Variants in LRRC28 observed in about 807,000 individuals in gnomAD.
The protein encoded by LRRC28 is leucine-rich repeat-containing protein 28.
LRRC28 carries 39 observed loss-of-function variants against 45.7 expected under a neutral mutation model. The observed-to-expected ratio is 0.85, with a 90% confidence interval of 0.66 to 1.12. LRRC28 has a LOEUF of 1.12. Among genes scored for constraint, LRRC28 ranks in the 50% most tolerant of loss-of-function variants. The pLI is 0.00. For missense variants in LRRC28, 435 were observed against 438.5 expected (o/e 0.99, Z 0.07); for synonymous variants, 206 against 178.8 (o/e 1.15, Z -1.22).
At chr15:99,365,303 G>A (rs1957310041) in intron 9 of LRRC28, among the ~76,000 whole-genome samples, 3 of 152,204 alleles carry the variant, frequency 2.0e-5, no homozygotes, top group Admixed American at 1.3e-4. Context: ...AGTATATCAA[G>A]TACATAGGAC....
rs376377020 is a variant in LRRC28, at chr15:99,276,634, A to G, written c.209+18A>G. 76 of 1,501,680 alleles carry G rather than the reference A, an allele frequency of 5.1e-5. No individual in the cohort carries two copies. The highest frequency in any genetic ancestry group is 5.8e-5 in the African/African-American group (4 of 69,492). 93.0% of individuals were successfully genotyped at this position (1,501,680 alleles called of 1,614,324 possible). A position where few individuals can be genotyped will look rare whatever the true frequency, so the allele number is the denominator to read the frequency against. ...GTGGAACTGTGAGTCTGTTTATTCA[A>G]ATTTTTTAAAGACAAGAATGAAAAT... On this transcript the variant is annotated intron_variant, in intron 3 of 9. Transcript: ENST00000301981.
At chr15:99,294,168 T>G (rs1036991985) in intron 5 of LRRC28, among the ~76,000 whole-genome samples, 3 of 152,134 alleles carry the variant, frequency 2.0e-5, no homozygotes, top group Non-Finnish European at 4.4e-5. Flanking sequence ...TGATACAGGA[T>G]TTTTTATATT....
chr15:99,281,835 C>G (rs542559255), intron 3 of LRRC28, among the ~76,000 whole-genome samples: 1 of 152,302 alleles, frequency 6.6e-6, no homozygotes, highest in South Asian at 2.1e-4. Context: ...TTGAATACCT[C>G]AAATGATCAA....
At chr15:99,313,917 G>T (rs1955503544) in intron 5 of LRRC28, among the ~76,000 whole-genome samples, 1 of 152,116 alleles carries the variant, frequency 6.6e-6, no homozygotes, top group Non-Finnish European at 1.5e-5. Context: ...GGTAGGATGT[G>T]ACAGGAGCCA....
intron 1 of LRRC28, among the ~76,000 whole-genome samples, chr15:99,252,291 A>G (rs2080843140): frequency 6.6e-6 from 1 of 152,266 alleles, no homozygotes; most frequent in South Asian, 2.1e-4. Context: ...TGCATACTGC[A>G]AAACTGTGAG....
chr15:99,307,968 C>T (rs2152258065), intron 5 of LRRC28, among the ~76,000 whole-genome samples: 1 of 152,184 alleles, frequency 6.6e-6, no homozygotes, highest in South Asian at 2.1e-4. Flanking sequence ...TAAAGAGGGG[C>T]CAGTGATGAA....
rs565921036 is a variant in LRRC28, at chr15:99,251,535, C to A, written c.-67C>A. On this transcript the variant is annotated 5_prime_UTR_variant, in exon 1 of 10. Transcript: ENST00000301981. ...CGCTCCGGAGCGCTGGCTCTGCTGG[C>A]GCTGAGGTGAGTAGAGCTGTCCGCC... The A allele has an allele frequency of 6.6e-6, 1 of 151,404 alleles. No individual in the cohort carries two copies. Among genetic ancestry groups the A allele is most frequent in the East Asian group, 2.0e-4 (1 of 5,070 alleles). The allele number at this position is 151,404 out of a possible 1,614,324, so 9.4% of individuals were successfully genotyped here. A position where few individuals can be genotyped will look rare whatever the true frequency, so the allele number is the denominator to read the frequency against.
intron 2 of LRRC28, chr15:99,258,450 TC>T: frequency 1.2e-6 from 1 of 855,430 alleles, no homozygotes; most frequent in South Asian, 1.4e-5. Context: ...TCATAAACTT[TC>T]CTATTTATGT....
At chr15:99,294,708 T>A (rs972766995) in intron 5 of LRRC28, among the ~76,000 whole-genome samples, 2 of 152,238 alleles carry the variant, frequency 1.3e-5, no homozygotes, top group African/African-American at 4.8e-5. Context: ...CGTTTCACCC[T>A]TAGGACCTCC....
intron 5 of LRRC28, among the ~76,000 whole-genome samples, chr15:99,303,417 C>G (rs182069645): frequency 1.3e-5 from 2 of 152,054 alleles, no homozygotes; most frequent in East Asian, 3.8e-4. Context: ...TCGTGATGCC[C>G]ATACAGATAT....
intron 9 of LRRC28, among the ~76,000 whole-genome samples, chr15:99,379,128 G>T (rs1259455320): frequency 6.6e-6 from 1 of 152,168 alleles, no homozygotes; most frequent in Non-Finnish European, 1.5e-5. Flanking sequence ...GCTCCTCCTT[G>T]TACCTCTGGT....
At chr15:99,288,637 C>T (rs2082026644) in intron 5 of LRRC28, among the ~76,000 whole-genome samples, 1 of 152,026 alleles carries the variant, frequency 6.6e-6, no homozygotes, top group Admixed American at 6.6e-5. Context: ...GCCTTGGCCT[C>T]CCAAAGTTCT....
intron 5 of LRRC28, among the ~76,000 whole-genome samples, chr15:99,304,185 G>C (rs1167474389): frequency 6.6e-6 from 1 of 152,220 alleles, no homozygotes; most frequent in Non-Finnish European, 1.5e-5. Flanking sequence ...TGGCAGAGTT[G>C]AGTAGTTGTG....
chr15:99,377,529 A>G lies in LRRC28; in HGVS notation c.1032-8501A>G, dbSNP rs1169948489. Among the ~76,000 whole-genome samples the G allele has an allele frequency of 8.5e-5, 13 of 152,330 alleles. No individual in the cohort carries two copies. The South Asian group carries it at 2.7e-3, about 32-fold the overall frequency. On this transcript the variant is annotated intron_variant, in intron 9 of 9. Coordinates refer to ENST00000301981, the MANE Select transcript of LRRC28 (RefSeq NM_144598.5). ...CTGATGGTAGTTTCTTTTGCTGTGC[A>G]GAAGCTCTTTAGTTTAAATAGATCC... is the stretch of plus-strand genomic sequence containing the variant.
At chr15:99,323,444 G>A (rs1218177851) in intron 5 of LRRC28, among the ~76,000 whole-genome samples, 1 of 152,198 alleles carries the variant, frequency 6.6e-6, no homozygotes, top group Non-Finnish European at 1.5e-5. Context: ...AGGTTGCGTT[G>A]TTTGATAATT....
rs1008846890 is a variant in LRRC28 at position 99,388,880 on chromosome 15, C to G, written c.*2778C>G. ...GATAGCCTCATGAGCATAGGCCTTC[C>G]TATGAAGTAGTGCAAAGGGGGCCGA... On this transcript the variant is annotated 3_prime_UTR_variant, in exon 10 of 10. Transcript: ENST00000301981. The G allele has an allele frequency of 1.3e-5, 2 of 152,142 alleles. No homozygotes were observed. Among genetic ancestry groups the G allele is most frequent in the Non-Finnish European group, 2.9e-5 (2 of 68,016 alleles). The allele number at this position is 152,142 out of a possible 1,614,324, so 9.4% of individuals were successfully genotyped here.
At chr15:99,372,068 C>G (rs1957499508) in intron 9 of LRRC28, among the ~76,000 whole-genome samples, 1 of 152,200 alleles carries the variant, frequency 6.6e-6, no homozygotes, top group Admixed American at 6.5e-5. Context: ...AATATGTACA[C>G]AAGCTCAGGA....
intron 5 of LRRC28, among the ~76,000 whole-genome samples, chr15:99,298,548 G>A (rs2082322906): frequency 6.6e-6 from 1 of 152,144 alleles, no homozygotes; most frequent in East Asian, 1.9e-4. Context: ...TGTTGTGGTT[G>A]CATGATAGAA....
At chr15:99,322,585 G>A (rs1955837479) in intron 5 of LRRC28, among the ~76,000 whole-genome samples, 1 of 151,982 alleles carries the variant, frequency 6.6e-6, no homozygotes, top group Admixed American at 6.6e-5. Context: ...ATAAAATAAG[G>A]GTATGTTCTT....
Sources: allele counts gnomAD v4.1 joint callset (sites outside exome capture counted in the v4.1 genomes callset), GRCh38; gene constraint gnomAD v4.1.1; transcripts MANE v1.5; gene names NCBI Gene and HGNC (gene_info 2026-07-23, HGNC 2026-07-21).